Variants in HIF3A observed in about 807,000 individuals in gnomAD.
The protein encoded by HIF3A is hypoxia inducible factor 3 subunit alpha, also known as hypoxia-inducible factor 3-alpha.
A neutral mutation model predicts 67.2 loss-of-function variants in HIF3A; 41 were observed. The observed-to-expected ratio is 0.61, with a 90% CI of 0.48 to 0.79. The LOEUF is 0.79. Ranked by LOEUF, HIF3A falls within the 30% of genes least tolerant of loss-of-function variation. HIF3A has a pLI of 0.00. For missense variants in HIF3A, 855 were observed against 898.0 expected (o/e 0.95, Z 0.61); for synonymous variants, 356 against 374.8 (o/e 0.95, Z 0.58).
chr19:46,338,120 A>T (rs1601387898), intron 14 of HIF3A: 1 of 446,590 alleles, frequency 2.2e-6, no homozygotes, highest in Admixed American at 2.4e-5. Context: ...AAGGGCAGGG[A>T]GATTCATCCA....
At chr19:46,335,210 C>T (rs567810285) in intron 14 of HIF3A, among the ~76,000 whole-genome samples, 1 of 152,052 alleles carries the variant, frequency 6.6e-6, no homozygotes, top group East Asian at 1.9e-4. Context: ...GGTGGAAGCC[C>T]GAGCCTAGGT....
At chr19:46,306,709 C>T (rs1430376318) in intron 3 of HIF3A, 1 of 152,202 alleles carries the variant, frequency 6.6e-6, no homozygotes, top group East Asian at 1.9e-4. Flanking sequence ...TACCCCACTC[C>T]TGGTACCAAT....
At chr19:46,319,635 AAGACTATGTTAAAAAT>A (rs1970203312) in intron 8 of HIF3A, among the ~76,000 whole-genome samples, 1 of 152,240 alleles carries the variant, frequency 6.6e-6, no homozygotes, top group Admixed American at 6.5e-5. Flanking sequence ...TCATGTAATG[AAGACTATGTTAAAAAT>A]ATATTTTTTC....
chr19:46,298,064 C>T (rs1967997632), intron 1 of HIF3A, among the ~76,000 whole-genome samples: 1 of 152,066 alleles, frequency 6.6e-6, no homozygotes. Flanking sequence ...TTTTATCTGG[C>T]CATGTTCCCA....
chr19:46,335,284 T>TTTATTTA (rs1488413271), intron 14 of HIF3A, among the ~76,000 whole-genome samples: 485 of 124,180 alleles, frequency 3.9e-3, no homozygotes, highest in African/African-American at 0.016. Flanking sequence ...TTATTTATTT[T>TTTATTTA]TTGAGATGAA....
rs1052693263 is a variant in HIF3A at position 46,304,270 on chromosome 19, T to A, written c.217+182T>A. The A allele has an allele frequency of 1.2e-4, 70 of 573,596 alleles. No individual in the cohort carries two copies. The African/African-American group carries it at 1.3e-3, about 10-fold the overall frequency. The allele number at this position is 573,596 out of a possible 1,614,324, so 35.5% of individuals were successfully genotyped here. The stretch of plus-strand genomic sequence containing the variant: ...ACTTCCCCGGGGAGGCCCCGCCCCC[T>A]TTGAGTTCCTGGCCTGCTGGGAGTC... On this transcript the variant is annotated intron_variant, in intron 2 of 14. Coordinates refer to ENST00000377670, the MANE Select transcript of HIF3A (RefSeq NM_152795.4).
At chr19:46,317,179 C>T (rs990722866) in intron 8 of HIF3A, among the ~76,000 whole-genome samples, 5 of 152,054 alleles carry the variant, frequency 3.3e-5, no homozygotes, top group Non-Finnish European at 7.4e-5. Context: ...CCTCGGCTTC[C>T]CAAAATGCTG....
chr19:46,329,157 T>G (rs1970998119), intron 11 of HIF3A, 50 bp from the exon 12 acceptor site: 4 of 1,522,310 alleles, frequency 2.6e-6, no homozygotes, highest in Middle Eastern at 1.8e-4. Flanking sequence ...TCAGCCAAGG[T>G]CCACCCAAGT....
In HIF3A at chr19:46,308,625, C is replaced by A. The variant is rs762644041; in HGVS notation, c.449-38C>A. On this transcript the variant is annotated intron_variant, in intron 4 of 14. Coordinates refer to ENST00000377670, the MANE Select transcript of HIF3A (RefSeq NM_152795.4). ...CGGAGGGCACTGGGCCTGTGTGTAG[C>A]TGCCTGTGACCTCCCCGCTGCCCCC... 1.6e-5 allele frequency: 20 copies of A among 1,289,120 alleles called. No individual in the cohort carries two copies. In the South Asian group the frequency reaches 2.6e-4, roughly 17 times the overall value. 79.9% of individuals were successfully genotyped at this position (1,289,120 alleles called of 1,614,324 possible).
intron 9 of HIF3A, 28 bp from the exon 10 acceptor site, chr19:46,321,748 G>A (rs2147234332): frequency 1.2e-6 from 2 of 1,602,934 alleles, no homozygotes; most frequent in Middle Eastern, 3.4e-4. Context: ...ACCAGCCCGT[G>A]TCCTCCCCAT....
rs537601627 is a variant in HIF3A, at chr19:46,326,526, A to G, written c.1440+887A>G. 2.6e-5 allele frequency among the ~76,000 whole-genome samples: 4 copies of G among 152,100 alleles called. No homozygotes were observed. The East Asian group carries it at 7.7e-4, about 29-fold the overall frequency. ...TTCCAATGATTGATGTCTCTCCCTCATGCAAAATACACTCACCCACCTCTC... is the reference window on the plus strand; with the variant it reads ...TTCCAATGATTGATGTCTCTCCCTCGTGCAAAATACACTCACCCACCTCTC... On this transcript the variant is annotated intron_variant, in intron 11 of 14. Transcript: ENST00000377670.
chr19:46,300,946 A>T (rs62135342), intron 1 of HIF3A, among the ~76,000 whole-genome samples: 1 of 150,900 alleles, frequency 6.6e-6, no homozygotes. Flanking sequence ...GAGGTGGGGC[A>T]CTGGCCCCAC....
chr19:46,308,078 A>G, intron 3 of HIF3A, 143 bp from the exon 4 acceptor site: 1 of 730,306 alleles, frequency 1.4e-6, no homozygotes, highest in South Asian at 1.5e-5. Context: ...GGATGGATGG[A>G]TGGATGGACA....
At chr19:46,304,947 A>G (rs1273417141) in intron 2 of HIF3A, 3 of 462,930 alleles carry the variant, frequency 6.5e-6, no homozygotes, top group Non-Finnish European at 1.2e-5. Context: ...AGTTCCATCC[A>G]CTTAGAATTC....
At chr19:46,334,783 G>A in intron 13 of HIF3A, 122 bp from the exon 14 acceptor site, 1 of 704,374 alleles carries the variant, frequency 1.4e-6, no homozygotes, top group Non-Finnish European at 2.3e-6. Context: ...TTGGGCTTAA[G>A]TGATCCTCCC....
At position 46,305,312 on chromosome 19, in the gene HIF3A, C is replaced by G. The variant is rs778386864; in HGVS notation, c.285C>G (p.Gly95=). 1.9e-6 allele frequency: 3 copies of G among 1,614,026 alleles called. No homozygotes were observed. In the African/African-American group the frequency reaches 4.0e-5, roughly 22 times the overall value. ...LDACYLKALE[G]FVMVLTAEGD... The stretch of plus-strand genomic sequence containing the variant: ...CCTGCTACCTGAAGGCCCTGGAGGG[C>G]TTCGTCATGGTGCTCACCGCCGAGG... The change falls in exon 3 of 15, where the codon GGC becomes GGG. Residue 95 remains glycine, a synonymous_variant. Coordinates refer to ENST00000377670, the MANE Select transcript of HIF3A (RefSeq NM_152795.4).
At chr19:46,326,241 A>T (rs926518261) in intron 11 of HIF3A, among the ~76,000 whole-genome samples, 2 of 151,976 alleles carry the variant, frequency 1.3e-5, no homozygotes, top group African/African-American at 4.8e-5. Flanking sequence ...CTCTACATAG[A>T]CTCCCTAAGT....
At chr19:46,334,770 C>A in intron 13 of HIF3A, 135 bp from the exon 14 acceptor site, 2 of 612,162 alleles carry the variant, frequency 3.3e-6, no homozygotes, top group Non-Finnish European at 5.6e-6. Flanking sequence ...TGGTCTCAAA[C>A]GTTTGGGCTT....
chr19:46,308,910 G>A (rs903884590), intron 5 of HIF3A, 135 bp downstream of exon 5: 5 of 680,136 alleles, frequency 7.4e-6, no homozygotes, highest in East Asian at 5.5e-5. Context: ...CAGGTCTAGC[G>A]GGTCTCAGGG....
Sources: allele counts gnomAD v4.1 joint callset (sites outside exome capture counted in the v4.1 genomes callset), GRCh38; gene constraint gnomAD v4.1.1; transcripts MANE v1.5; gene names NCBI Gene and HGNC (gene_info 2026-07-23, HGNC 2026-07-21).